NIPAL2: variants seen among roughly 807,000 people sequenced by gnomAD.
NIPAL2 encodes the protein NIPA like domain containing 2, also known as NIPA-like protein 2.
A neutral mutation model predicts 48.9 loss-of-function variants in NIPAL2; 43 were observed. The observed-to-expected ratio is 0.88, with a 90% CI of 0.69 to 1.13. NIPAL2 has a LOEUF of 1.13. Ranked by LOEUF, NIPAL2 falls within the 50% of genes most tolerant of loss-of-function variation. NIPAL2 has a pLI of 0.00. For missense variants in NIPAL2, 446 were observed against 461.4 expected, an observed-to-expected ratio of 0.97 and a Z score of 0.31; for synonymous variants, 167 against 174.6, an observed-to-expected ratio of 0.96 and a Z score of 0.34.
rs1019530575 is a variant in NIPAL2, at chr8:98,270,021, CT to C, written c.136-15935del. Among the ~76,000 whole-genome samples, 710 of 151,910 alleles carry C rather than the reference CT, an allele frequency of 4.7e-3. 3 individuals carry two copies. Among genetic ancestry groups the C allele is most frequent in the African/African-American group, 0.016 (660 of 41,522 alleles). ...CTGCTGCAAAGGACATGATTTCATT[CT>C]TTTTTTATGGCTGCATAATATTCTA... On this transcript the variant is annotated intron_variant, in intron 1 of 10. Coordinates refer to ENST00000430223, the MANE Select transcript of NIPAL2 (RefSeq NM_001321635.2).
At chr8:98,286,722 T>A (rs112577282) in intron 1 of NIPAL2, among the ~76,000 whole-genome samples, 3,490 of 146,680 alleles carry the variant, frequency 0.024, 126 homozygotes, top group African/African-American at 0.082. Flanking sequence ...GGCAGGAGAA[T>A]CACTTGAACC....
At chr8:98,224,703 A>T (rs974985137) in intron 4 of NIPAL2, among the ~76,000 whole-genome samples, 3 of 151,756 alleles carry the variant, frequency 2.0e-5, no homozygotes, top group Non-Finnish European at 2.9e-5. Flanking sequence ...AAAACTTTTT[A>T]AAAATATAAA....
chr8:98,264,177 T>C (rs1814552806), intron 1 of NIPAL2, among the ~76,000 whole-genome samples: 1 of 148,946 alleles, frequency 6.7e-6, no homozygotes, highest in Non-Finnish European at 1.5e-5. Flanking sequence ...AATATCATAC[T>C]GAATGGGCAA....
rs1241120158 is a variant in NIPAL2 at position 98,190,514 on chromosome 8, G to A, written c.*2464C>T. 1.3e-5 allele frequency: 2 copies of A among 152,174 alleles called. No individual in the cohort carries two copies. The highest frequency in any genetic ancestry group is 4.8e-5 in the African/African-American group (2 of 41,400). 9.4% of individuals were successfully genotyped at this position (152,174 alleles called of 1,614,324 possible). On this transcript the variant is annotated 3_prime_UTR_variant, in exon 11 of 11. Coordinates refer to ENST00000430223, the MANE Select transcript of NIPAL2 (RefSeq NM_001321635.2). ...ATTTTTGTACTTTTAGTAGAGATGG[G>A]GTTTCACTATGTTGACCAGGCTGGT...
intron 1 of NIPAL2, among the ~76,000 whole-genome samples, chr8:98,269,843 C>T (rs894930944): frequency 1.3e-5 from 2 of 152,042 alleles, no homozygotes; most frequent in African/African-American, 4.8e-5. Flanking sequence ...TTGCCCCCTC[C>T]CTCCTCCAGA....
intron 3 of NIPAL2, among the ~76,000 whole-genome samples, chr8:98,236,721 G>A (rs1466308487): frequency 1.3e-5 from 2 of 151,692 alleles, no homozygotes; most frequent in East Asian, 1.9e-4. Flanking sequence ...GCATGGTGGC[G>A]TGGGCCTGTA....
rs941503052 is a variant in NIPAL2, at chr8:98,228,755, T to C, written c.437-6155A>G. Among the ~76,000 whole-genome samples, 5 of 152,182 alleles carry C rather than the reference T, an allele frequency of 3.3e-5. No homozygotes were observed. In the East Asian group the frequency reaches 7.7e-4, roughly 23 times the overall value. On this transcript the variant is annotated intron_variant, in intron 4 of 10. Transcript: ENST00000430223. ...GTCCAAAATGATGTCTCTGATATTA[T>C]AGCCTTGGGATGATCAGGGACCATC... is the stretch of plus-strand genomic sequence containing the variant.
chr8:98,245,831 C>T (rs1469726488), intron 3 of NIPAL2, among the ~76,000 whole-genome samples: 2 of 152,222 alleles, frequency 1.3e-5, no homozygotes, highest in African/African-American at 4.8e-5. Context: ...TAGATTAAAA[C>T]TTCAGAGTTT....
intron 4 of NIPAL2, among the ~76,000 whole-genome samples, chr8:98,230,293 G>C (rs914799292): frequency 2.0e-5 from 3 of 152,134 alleles, no homozygotes; most frequent in African/African-American, 2.4e-5. Flanking sequence ...AGAGGACCCT[G>C]GGGTCCTTGA....
chr8:98,280,855 T>C (rs1480756892), intron 1 of NIPAL2, among the ~76,000 whole-genome samples: 1 of 150,316 alleles, frequency 6.7e-6, no homozygotes, highest in African/African-American at 2.4e-5. Context: ...GAGGGACATA[T>C]GGTATTTATT....
intron 1 of NIPAL2, among the ~76,000 whole-genome samples, chr8:98,287,115 AC>A (rs1194973752): frequency 6.6e-6 from 1 of 152,204 alleles, no homozygotes; most frequent in Admixed American, 6.5e-5. Flanking sequence ...GGAAAAAAAA[AC>A]AAGCTAAAAT....
chr8:98,212,914 C>T (rs1054315466), intron 5 of NIPAL2, among the ~76,000 whole-genome samples: 3 of 152,154 alleles, frequency 2.0e-5, no homozygotes, highest in Admixed American at 1.3e-4. Flanking sequence ...AAACCCCAAA[C>T]CCCTTTCCCT....
At chr8:98,205,376 G>A (rs1338279585) in intron 6 of NIPAL2, 130 bp from the exon 7 acceptor site, 1 of 805,262 alleles carries the variant, frequency 1.2e-6, no homozygotes, top group East Asian at 2.7e-5. Context: ...TGTGAGAGGT[G>A]TAGGAAGGGA....
intron 1 of NIPAL2, among the ~76,000 whole-genome samples, chr8:98,264,499 G>A (rs2130861095): frequency 6.6e-6 from 1 of 150,674 alleles, no homozygotes; most frequent in South Asian, 2.1e-4. Flanking sequence ...GACAAACAGA[G>A]AGCCAAATCA....
rs375469100 is a variant in NIPAL2, at chr8:98,288,509, A to G, written c.135+5494T>C. On this transcript the variant is annotated intron_variant, in intron 1 of 10. Transcript: ENST00000430223. ...AATGCTGCAATAAACATACGTGTGC[A>G]TGTGTCTTTATAGCAGCATGATTTA... 7.2e-4 allele frequency among the ~76,000 whole-genome samples: 110 copies of G among 151,822 alleles called. 2 individuals carry two copies. Among genetic ancestry groups the G allele is most frequent in the African/African-American group, 2.5e-3 (105 of 41,320 alleles).
rs1440976582 is a variant in NIPAL2 at position 98,224,757 on chromosome 8, T to TTA, written c.437-2158_437-2157insTA. The stretch of plus-strand genomic sequence containing the variant: ...GTTATACTTTCTTTCTTTCTTTTCT[T>TTA]TTTTTTTTTTTTTTTTGTTGAAACA... On this transcript the variant is annotated intron_variant, in intron 4 of 10. Transcript: ENST00000430223. Among the ~76,000 whole-genome samples, 6 of 137,038 alleles carry TTA rather than the reference T, an allele frequency of 4.4e-5. No homozygotes were observed. In the East Asian group the frequency reaches 9.8e-4, roughly 22 times the overall value. The allele number at this position is 137,038 out of a possible 152,430, so 89.9% of individuals were successfully genotyped here.
chr8:98,242,050 G>T (rs1215172478), intron 3 of NIPAL2, among the ~76,000 whole-genome samples: 1 of 152,160 alleles, frequency 6.6e-6, no homozygotes, highest in Non-Finnish European at 1.5e-5. Context: ...AAAAGGTAAT[G>T]TACCATTGAT....
At chr8:98,194,325 G>A (rs1810444530) in intron 10 of NIPAL2, among the ~76,000 whole-genome samples, 1 of 152,094 alleles carries the variant, frequency 6.6e-6, no homozygotes, top group Non-Finnish European at 1.5e-5. Flanking sequence ...CAGTGCACAG[G>A]CCACCTCAGG....
chr8:98,256,794 T>C (rs905148836), intron 1 of NIPAL2, among the ~76,000 whole-genome samples: 2 of 152,180 alleles, frequency 1.3e-5, no homozygotes, highest in Non-Finnish European at 2.9e-5. Flanking sequence ...ATTCCACTTT[T>C]TGGTACATAT....
Sources: gnomAD v4.1 joint callset for allele counts (sites outside exome capture counted in the v4.1 genomes callset) on GRCh38, gnomAD v4.1.1 for gene constraint, MANE v1.5 for transcripts, NCBI Gene and HGNC (gene_info 2026-07-23, HGNC 2026-07-21) for gene names.